The following DISC1 variants were observed in gnomAD, a reference collection of about 807,000 sequenced individuals.
The protein encoded by DISC1 is disrupted in schizophrenia 1 protein.
DISC1 carries 57 observed loss-of-function variants against 84.5 expected under a neutral mutation model. The observed-to-expected ratio is 0.67, with a 90% CI of 0.55 to 0.84. DISC1 has a LOEUF of 0.84. Ranked by LOEUF, DISC1 falls within the 40% of genes least tolerant of loss-of-function variation. DISC1 has a pLI of 0.00. For synonymous variants in DISC1, 411 were observed against 415.2 expected, an observed-to-expected ratio of 0.99 and a Z score of 0.12; for missense variants, 1,000 against 1,057.8, an observed-to-expected ratio of 0.95 and a Z score of 0.76.
At chr1:231,923,316 A>G (rs1275099220) in intron 9 of DISC1, among the ~76,000 whole-genome samples, 1 of 151,168 alleles carries the variant, frequency 6.6e-6, no homozygotes, top group Non-Finnish European at 1.5e-5. Flanking sequence ...CCAAAAAAAA[A>G]AACAAAAAGA....
intron 1 of DISC1, among the ~76,000 whole-genome samples, chr1:231,679,103 T>C (rs1471560364): frequency 6.6e-6 from 1 of 152,250 alleles, no homozygotes; most frequent in Non-Finnish European, 1.5e-5. Context: ...CCAGGCAATG[T>C]CACAGCTTCC....
intron 9 of DISC1, among the ~76,000 whole-genome samples, chr1:231,870,108 A>G (rs1391469188): frequency 6.6e-6 from 1 of 152,068 alleles, no homozygotes; most frequent in Non-Finnish European, 1.5e-5. Context: ...TAAGAAAGGG[A>G]GAGTGAGGAA....
intron 1 of DISC1, among the ~76,000 whole-genome samples, chr1:231,638,066 A>G (rs2059340544): frequency 6.6e-6 from 1 of 152,138 alleles, no homozygotes; most frequent in South Asian, 2.1e-4. Context: ...ATGACATCTC[A>G]TTGTGGTTTC....
chr1:231,770,820 C>T lies in DISC1; in HGVS notation c.1399-15C>T. ...AGGGTTAATTTATAAAATCTTGTCT[C>T]CTCATTCTCTACAGAAAGAAATCGA... On this transcript the variant is annotated splice_polypyrimidine_tract_variant and intron_variant, in intron 5 of 12. Transcript: ENST00000439617. 1 of 1,612,616 alleles carries T rather than the reference C, an allele frequency of 6.2e-7. No homozygotes were observed.
At chr1:231,639,808 C>G (rs897272100) in intron 1 of DISC1, among the ~76,000 whole-genome samples, 1 of 152,244 alleles carries the variant, frequency 6.6e-6, no homozygotes, top group Admixed American at 6.5e-5. Flanking sequence ...TTGTATTGTC[C>G]CCAGCAGCCA....
intron 9 of DISC1, among the ~76,000 whole-genome samples, chr1:231,857,802 C>G (rs199557786): frequency 6.6e-6 from 1 of 152,182 alleles, no homozygotes; most frequent in Non-Finnish European, 1.5e-5. Flanking sequence ...ACCGGCTACC[C>G]GGAATCTGGC....
intron 3 of DISC1, chr1:231,722,663 CT>C: frequency 6.2e-7 from 1 of 1,611,102 alleles, no homozygotes; most frequent in East Asian, 2.2e-5. Flanking sequence ...TAGATCATGA[CT>C]TCTTTAGACA....
At chr1:231,995,610 A>C (rs1020986997) in intron 10 of DISC1, among the ~76,000 whole-genome samples, 15 of 151,972 alleles carry the variant, frequency 9.9e-5, no homozygotes, top group South Asian at 4.2e-4. Flanking sequence ...TTGTCCTTGC[A>C]ATAGTTTACT....
At chr1:231,813,974 T>C (rs758527244) in intron 8 of DISC1, among the ~76,000 whole-genome samples, 1 of 152,200 alleles carries the variant, frequency 6.6e-6, no homozygotes, top group Non-Finnish European at 1.5e-5. Flanking sequence ...ATGAGTGTTT[T>C]AAGCAGTGAG....
intron 1 of DISC1, among the ~76,000 whole-genome samples, chr1:231,629,789 A>G (rs960969266): frequency 6.6e-6 from 1 of 152,188 alleles, no homozygotes; most frequent in African/African-American, 2.4e-5. Context: ...GCTCATTAAA[A>G]CTTTTTCTTT....
chr1:232,014,400 T>C (rs994507760), intron 11 of DISC1, among the ~76,000 whole-genome samples: 3 of 152,220 alleles, frequency 2.0e-5, no homozygotes, highest in Non-Finnish European at 2.9e-5. Context: ...TTGTTTAATG[T>C]CTTTGGGGAG....
intron 10 of DISC1, among the ~76,000 whole-genome samples, chr1:231,972,784 A>G (rs1049468311): frequency 8.5e-5 from 13 of 152,224 alleles, no homozygotes; most frequent in Admixed American, 5.9e-4. Context: ...ATGCCAGTCT[A>G]TGATGAACTA....
intron 10 of DISC1, among the ~76,000 whole-genome samples, chr1:231,988,663 C>A (rs1664788902): frequency 6.6e-6 from 1 of 152,192 alleles, no homozygotes; most frequent in South Asian, 2.1e-4. Flanking sequence ...GGACTCCCCA[C>A]CCTTCAGAAC....
chr1:232,007,244 G>A (rs531784320), intron 10 of DISC1, among the ~76,000 whole-genome samples: 2 of 152,228 alleles, frequency 1.3e-5, no homozygotes, highest in East Asian at 1.9e-4. Context: ...GTGAGAAGAG[G>A]GCCACCAACC....
intron 9 of DISC1, among the ~76,000 whole-genome samples, chr1:231,854,055 G>A (rs994599222): frequency 6.6e-6 from 1 of 152,172 alleles, no homozygotes; most frequent in Non-Finnish European, 1.5e-5. Context: ...AGTCTAGGGC[G>A]GCCCAAGGGG....
chr1:231,963,546 C>T (rs1660682426), intron 10 of DISC1, among the ~76,000 whole-genome samples: 1 of 152,000 alleles, frequency 6.6e-6, no homozygotes, highest in African/African-American at 2.4e-5. Flanking sequence ...CCTCACCAGG[C>T]CTTCCCATTC....
intron 3 of DISC1, among the ~76,000 whole-genome samples, chr1:231,713,209 A>T (rs973651446): frequency 2.0e-5 from 3 of 152,204 alleles, no homozygotes; most frequent in Admixed American, 6.5e-5. Flanking sequence ...TTACATTATA[A>T]TATTTAAGTG....
At chr1:231,959,005 GA>G in intron 10 of DISC1, 117 bp downstream of exon 10, 1 of 1,459,504 alleles carries the variant, frequency 6.9e-7, no homozygotes, top group South Asian at 1.5e-5. Context: ...AATTAACAAA[GA>G]AAGACACAAA....
intron 10 of DISC1, among the ~76,000 whole-genome samples, chr1:231,985,336 C>CAAAAA (rs59619547): frequency 2.0e-5 from 2 of 99,700 alleles, no homozygotes; most frequent in South Asian, 3.2e-4. Context: ...CCCCACCCAC[C>CAAAAA]AAAAAAAAAA....
Sources: allele counts gnomAD v4.1 joint callset (sites outside exome capture counted in the v4.1 genomes callset), GRCh38; gene constraint gnomAD v4.1.1; transcripts MANE v1.5; gene names NCBI Gene and HGNC (gene_info 2026-07-23, HGNC 2026-07-21).